The following BNC2 variants were observed in gnomAD, a reference collection of about 807,000 sequenced individuals.
BNC2 encodes the protein zinc finger protein basonuclin-2.
In BNC2, 20 loss-of-function variants were observed where a neutral mutation model predicts 76.3. The observed-to-expected ratio is 0.26, with a 90% CI of 0.18 to 0.38. The LOEUF (loss-of-function observed/expected upper bound fraction) is 0.38, where lower values mean the gene tolerates loss of function less well. BNC2 is among the 10% of genes least tolerant of loss of function. BNC2 has a pLI of 1.00. For synonymous variants in BNC2, 582 were observed against 514.8 expected (o/e 1.13, Z -1.77); for missense variants, 1,382 against 1,399.8 (o/e 0.99, Z 0.20).
chr9:16,648,354 A>T (rs1171601843), intron 3 of BNC2, among the ~76,000 whole-genome samples: 1 of 152,252 alleles, frequency 6.6e-6, no homozygotes, highest in Non-Finnish European at 1.5e-5. Context: ...CAGGACACCA[A>T]GCTCTGAGGA....
rs79814168 is a variant in BNC2 at position 16,763,105 on chromosome 9, G to A, written c.4-24620C>T. ...CTCAACCTGCAGTTGAACCCAAAACGGCTCTCTAGCTGAGAGGTTATGGTG... is the reference window on the plus strand; with the variant it reads ...CTCAACCTGCAGTTGAACCCAAAACAGCTCTCTAGCTGAGAGGTTATGGTG... On this transcript the variant is annotated intron_variant, in intron 1 of 6. Coordinates refer to ENST00000380672, the MANE Select transcript of BNC2 (RefSeq NM_017637.6). Among the ~76,000 whole-genome samples, 58 of 152,212 alleles carry A rather than the reference G, an allele frequency of 3.8e-4. 1 individual carries two copies. The East Asian group carries it at 9.1e-3, about 24-fold the overall frequency.
At chr9:16,752,486 C>A (rs117279144) in intron 1 of BNC2, among the ~76,000 whole-genome samples, 13 of 152,280 alleles carry the variant, frequency 8.5e-5, no homozygotes, top group Non-Finnish European at 1.9e-4. Context: ...ACAAAATAAC[C>A]AGCTGACTGA....
intron 5 of BNC2, among the ~76,000 whole-genome samples, chr9:16,523,238 G>A (rs1287096223): frequency 1.3e-5 from 2 of 152,072 alleles, no homozygotes; most frequent in African/African-American, 4.8e-5. Context: ...TTGGGAGGCC[G>A]AGGTGGGTGG....
chr9:16,748,348 A>G (rs994703830), intron 1 of BNC2, among the ~76,000 whole-genome samples: 3 of 151,994 alleles, frequency 2.0e-5, no homozygotes, highest in Admixed American at 1.3e-4. Flanking sequence ...ACCCATCTCT[A>G]CAAAAAATAC....
chr9:16,422,106 G>T (rs1372413818), intron 6 of BNC2, among the ~76,000 whole-genome samples: 1 of 152,172 alleles, frequency 6.6e-6, no homozygotes, highest in African/African-American at 2.4e-5. Flanking sequence ...TCCCTAAGAT[G>T]ACTTGTGAAA....
chr9:16,740,178 A>T (rs141372176), intron 1 of BNC2, among the ~76,000 whole-genome samples: 1 of 152,230 alleles, frequency 6.6e-6, no homozygotes, highest in Admixed American at 6.5e-5. Context: ...GTTTTAAATG[A>T]TCTAGAACAA....
rs143821778 is a variant in BNC2 at position 16,552,698 on chromosome 9, G to A, written c.501C>T (p.Val167=). 2.3e-5 allele frequency: 37 copies of A among 1,614,196 alleles called. No homozygotes were observed. The African/African-American group carries it at 2.9e-4, about 13-fold the overall frequency. ...PTQVEIVQSN[V]VFDISSLMLY... ...GCATCAGGCTGCTGATGTCAAACAC[G>A]ACGTTGGACTGCACAATCTCCACTT... The change falls in exon 5 of 7, where the codon GTC becomes GTT. Residue 167 remains valine (V), a synonymous_variant. Transcript: ENST00000380672.
intron 1 of BNC2, among the ~76,000 whole-genome samples, chr9:16,862,125 A>T (rs909885336): frequency 6.6e-6 from 1 of 152,258 alleles, no homozygotes; most frequent in African/African-American, 2.4e-5. Flanking sequence ...TCAAAAAGTT[A>T]TAAGTAGATA....
At chr9:16,566,132 G>T (rs780364608) in intron 4 of BNC2, among the ~76,000 whole-genome samples, 43 of 151,950 alleles carry the variant, frequency 2.8e-4, no homozygotes, top group African/African-American at 9.9e-4. Context: ...GCCTAGAGAG[G>T]CTCCCTCATA....
At position 16,671,191 on chromosome 9, in the gene BNC2, A is replaced by G. The variant is rs191353849; in HGVS notation, c.330+56606T>C. Among the ~76,000 whole-genome samples the G allele has an allele frequency of 1.2e-4, 19 of 152,268 alleles. No homozygotes were observed. In the East Asian group the frequency reaches 3.5e-3, roughly 28 times the overall value. ...TCATTTCTACTCTAGGATCCTCCCT[A>G]AACAAAATGCCTTCATGCAAGTCAC... On this transcript the variant is annotated intron_variant, in intron 3 of 6. Transcript: ENST00000380672.
intron 3 of BNC2, chr9:16,685,481 G>T: frequency 9.6e-7 from 1 of 1,044,980 alleles, no homozygotes; most frequent in Non-Finnish European, 1.3e-6. Context: ...ATACCCAAAT[G>T]GCTTTCCAGG....
intron 1 of BNC2, among the ~76,000 whole-genome samples, chr9:16,774,491 T>C (rs778474849): frequency 1.3e-5 from 2 of 152,250 alleles, no homozygotes; most frequent in Non-Finnish European, 2.9e-5. Flanking sequence ...TAGCTTGTGC[T>C]GTAGCTCAGG....
intron 1 of BNC2, among the ~76,000 whole-genome samples, chr9:16,789,878 T>A (rs1011327007): frequency 3.9e-5 from 6 of 152,230 alleles, no homozygotes; most frequent in Non-Finnish European, 8.8e-5. Context: ...GTTTGGCCTG[T>A]CCACTTTGTT....
At chr9:16,513,801 G>T (rs934749705) in intron 5 of BNC2, among the ~76,000 whole-genome samples, 1 of 152,112 alleles carries the variant, frequency 6.6e-6, no homozygotes, top group African/African-American at 2.4e-5. Context: ...TGGGCCTGGG[G>T]ATTAGAGCTA....
chr9:16,444,967 C>T (rs1821201488), intron 5 of BNC2, among the ~76,000 whole-genome samples: 1 of 152,062 alleles, frequency 6.6e-6, no homozygotes, highest in Admixed American at 6.5e-5. Context: ...TTATGTTTAT[C>T]TCTCTAATTT....
chr9:16,661,483 T>C (rs1489470317), intron 3 of BNC2, among the ~76,000 whole-genome samples: 1 of 120,006 alleles, frequency 8.3e-6, no homozygotes, highest in Non-Finnish European at 1.7e-5. Context: ...AAAGCTAAGG[T>C]ATGTATTATA....
At chr9:16,462,039 G>T (rs1314336163) in intron 5 of BNC2, among the ~76,000 whole-genome samples, 1 of 152,118 alleles carries the variant, frequency 6.6e-6, no homozygotes, top group Non-Finnish European at 1.5e-5. Flanking sequence ...TGAATCCAGA[G>T]CCGCCTGCCT....
chr9:16,433,306 A>G (rs1482948788), intron 6 of BNC2, among the ~76,000 whole-genome samples: 1 of 152,212 alleles, frequency 6.6e-6, no homozygotes, highest in Non-Finnish European at 1.5e-5. Flanking sequence ...AATGTTTGCA[A>G]TTTGCTTTTT....
At chr9:16,740,702 AG>A (rs924922830) in intron 1 of BNC2, among the ~76,000 whole-genome samples, 1 of 152,184 alleles carries the variant, frequency 6.6e-6, no homozygotes, top group Non-Finnish European at 1.5e-5. Context: ...TTTTCACTAC[AG>A]GGAAAAAAGA....
Sources: gnomAD v4.1 joint callset for allele counts (sites outside exome capture counted in the v4.1 genomes callset) on GRCh38, gnomAD v4.1.1 for gene constraint, MANE v1.5 for transcripts, NCBI Gene and HGNC (gene_info 2026-07-23, HGNC 2026-07-21) for gene names.